Variants in TLN2 observed in about 807,000 individuals in gnomAD.
The protein encoded by TLN2 is talin 2, also known as talin-2.
TLN2 carries 118 observed loss-of-function variants against 294.7 expected under a neutral mutation model. The ratio of observed to expected loss-of-function variants is 0.40; its 90% CI spans 0.34 to 0.47. TLN2 has a LOEUF of 0.47. Among genes scored for constraint, TLN2 ranks in the 20% least tolerant of loss-of-function variants. TLN2 has a pLI of 0.84. For synonymous variants in TLN2, 1,431 were observed against 1,304.5 expected (o/e 1.10, Z -2.09); for missense variants, 3,083 against 3,282.2 (o/e 0.94, Z 1.48).
intron 44 of TLN2, among the ~76,000 whole-genome samples, chr15:62,782,358 A>G (rs2064251256): frequency 6.6e-6 from 1 of 152,116 alleles, no homozygotes; most frequent in Non-Finnish European, 1.5e-5. Flanking sequence ...TTCTCAGGGG[A>G]GCATGGAGGA....
intron 3 of TLN2, among the ~76,000 whole-genome samples, chr15:62,622,704 CCTTATT>C (rs557845126): frequency 6.9e-4 from 105 of 152,052 alleles, no homozygotes; most frequent in African/African-American, 2.4e-3. Context: ...AGTTAAATTG[CCTTATT>C]CTTATTATTT....
intron 19 of TLN2, among the ~76,000 whole-genome samples, chr15:62,704,127 TA>T (rs879465511): frequency 8.5e-5 from 13 of 152,186 alleles, no homozygotes; most frequent in Admixed American, 5.9e-4. Context: ...CTTCACTTAT[TA>T]AAATGTTTTT....
At chr15:62,631,391 C>G (rs995935886) in intron 3 of TLN2, among the ~76,000 whole-genome samples, 1 of 152,144 alleles carries the variant, frequency 6.6e-6, no homozygotes, top group East Asian at 1.9e-4. Context: ...CACAAATAAT[C>G]ACTCATCCAT....
chr15:62,484,146 G>C (rs986390188), intron 1 of TLN2, among the ~76,000 whole-genome samples: 1 of 152,154 alleles, frequency 6.6e-6, no homozygotes, highest in African/African-American at 2.4e-5. Flanking sequence ...TCAGAGGAAG[G>C]ACAAAAGCTG....
rs1316615404 is a variant in TLN2 at position 62,825,764 on chromosome 15, T to G, written c.7002+5154T>G. On this transcript the variant is annotated intron_variant, in intron 54 of 58. Transcript: ENST00000636159. Reference sequence around the variant, plus strand: ...TATATATATTAAATATAATTATAATTATATATTATATAATATATTATATAT... The same window carrying G: ...TATATATATTAAATATAATTATAATGATATATTATATAATATATTATATAT... Among the ~76,000 whole-genome samples, 33 of 71,496 alleles carry G rather than the reference T, an allele frequency of 4.6e-4. 2 individuals are homozygous for G. The highest frequency in any genetic ancestry group is 2.9e-3 in the African/African-American group (33 of 11,472). The allele number at this position is 71,496 out of a possible 152,430, so 46.9% of individuals were successfully genotyped here.
At chr15:62,715,927 C>A (rs2059743488) in intron 22 of TLN2, among the ~76,000 whole-genome samples, 1 of 152,148 alleles carries the variant, frequency 6.6e-6, no homozygotes, top group South Asian at 2.1e-4. Flanking sequence ...ACCTGTGCCA[C>A]AGGGTATTTC....
chr15:62,817,683 C>G (rs978780348), intron 52 of TLN2, among the ~76,000 whole-genome samples: 1 of 152,062 alleles, frequency 6.6e-6, no homozygotes. Context: ...TTTCCAGATT[C>G]CTGAGAAAGA....
chr15:62,791,136 C>A (rs1437936462), intron 45 of TLN2, among the ~76,000 whole-genome samples: 1 of 151,628 alleles, frequency 6.6e-6, no homozygotes, highest in Admixed American at 6.6e-5. Flanking sequence ...CACCTGAGGT[C>A]AGGAGTTCGA....
chr15:62,640,502 C>T (rs2050926308), intron 3 of TLN2: 2 of 377,348 alleles, frequency 5.3e-6, no homozygotes, highest in Non-Finnish European at 1.0e-5. Flanking sequence ...GTGTGCAGAG[C>T]CCCCATTGTG....
intron 1 of TLN2, among the ~76,000 whole-genome samples, chr15:62,500,158 G>A (rs977884261): frequency 2.0e-5 from 3 of 151,972 alleles, no homozygotes; most frequent in Non-Finnish European, 4.4e-5. Flanking sequence ...CCAACACAGT[G>A]AAACCCGGTC....
intron 9 of TLN2, among the ~76,000 whole-genome samples, chr15:62,667,019 G>A (rs1374742434): frequency 1.3e-5 from 2 of 152,156 alleles, no homozygotes; most frequent in African/African-American, 2.4e-5. Context: ...AGGCTGGAGT[G>A]CAGTGGCATG....
At position 62,414,802 on chromosome 15, in the gene TLN2, C is replaced by T. The variant is rs1048360085; in HGVS notation, c.-238+24117C>T. Among the ~76,000 whole-genome samples the T allele has an allele frequency of 5.0e-5, 7 of 141,222 alleles. 1 individual carries two copies. Among genetic ancestry groups the T allele is most frequent in the African/African-American group, 1.5e-4 (6 of 39,476 alleles). The allele number at this position is 141,222 out of a possible 152,430, so 92.6% of individuals were successfully genotyped here. A position where few individuals can be genotyped will look rare whatever the true frequency, so the allele number is the denominator to read the frequency against. On this transcript the variant is annotated intron_variant, in intron 1 of 58. Coordinates refer to ENST00000636159, the MANE Select transcript of TLN2 (RefSeq NM_015059.3). ...CCAAGGTCTGGCTGGACGGAACCCT[C>T]GAGTCTACCTCCAACTTGGCTCTAA...
At chr15:62,397,699 TA>T (rs879536762) in intron 1 of TLN2, among the ~76,000 whole-genome samples, 2 of 152,216 alleles carry the variant, frequency 1.3e-5, no homozygotes, top group Non-Finnish European at 2.9e-5. Context: ...GTTCCCAAAC[TA>T]AAATGCATGG....
intron 1 of TLN2, among the ~76,000 whole-genome samples, chr15:62,501,120 G>A (rs965880444): frequency 6.6e-6 from 1 of 152,234 alleles, no homozygotes; most frequent in African/African-American, 2.4e-5. Context: ...TTGAGCAAAA[G>A]ATAAATGACC....
intron 1 of TLN2, among the ~76,000 whole-genome samples, chr15:62,467,058 A>G (rs1294023750): frequency 1.3e-5 from 2 of 152,182 alleles, no homozygotes; most frequent in Admixed American, 1.3e-4. Context: ...CCCTCGATAT[A>G]GAGATGTGTG....
At chr15:62,576,212 C>G (rs552375265) in intron 1 of TLN2, among the ~76,000 whole-genome samples, 2 of 151,206 alleles carry the variant, frequency 1.3e-5, no homozygotes, top group African/African-American at 2.4e-5. Flanking sequence ...AAGTTGTGCT[C>G]GAGATCACGC....
At chr15:62,627,163 C>G (rs8042382) in intron 3 of TLN2, among the ~76,000 whole-genome samples, 134,206 of 152,256 alleles carry the variant, frequency 0.88, 59,442 homozygotes, top group East Asian at 0.95. Flanking sequence ...AAGGCTAATG[C>G]AGTTCTAGTA....
At chr15:62,792,380 G>T (rs535639653) in intron 45 of TLN2, among the ~76,000 whole-genome samples, 27 of 152,278 alleles carry the variant, frequency 1.8e-4, no homozygotes, top group African/African-American at 5.8e-4. Context: ...TATAAACCAG[G>T]AAAGATATGT....
In TLN2 at chr15:62,797,225, C is replaced by T. The variant is rs1383583207; in HGVS notation, c.6057C>T (p.Asn2019=). ...NSETFADHRE[N]ILKTAKALVE... is the part of the protein sequence containing the mutation. The stretch of plus-strand genomic sequence containing the variant: ...GCCCTCCTGGCTCTCTCAGGGAGAA[C>T]ATTCTCAAGACGGCCAAGGCCTTGG... The change falls in exon 48 of 59, where the codon AAC becomes AAT. Residue 2019 remains asparagine, a synonymous_variant. Transcript: ENST00000636159. 2 of 1,614,034 alleles carry T rather than the reference C, an allele frequency of 1.2e-6. No individual in the cohort carries two copies. The highest frequency in any genetic ancestry group is 8.5e-7 in the Non-Finnish European group (1 of 1,180,036).
Sources: allele counts gnomAD v4.1 joint callset (sites outside exome capture counted in the v4.1 genomes callset), GRCh38; gene constraint gnomAD v4.1.1; transcripts MANE v1.5; gene names NCBI Gene and HGNC (gene_info 2026-07-23, HGNC 2026-07-21).